Variants in KLF12 observed in about 807,000 individuals in gnomAD.
KLF12 encodes KLF transcription factor 12, also known as Krueppel-like factor 12.
Under a neutral mutation model 37.8 loss-of-function variants are expected in KLF12, and 9 were observed. The observed-to-expected ratio is 0.24, with a 90% confidence interval of 0.14 to 0.42. The LOEUF is 0.42. Among genes scored for constraint, KLF12 ranks in the 10% least tolerant of loss-of-function variants. KLF12 has a pLI of 1.00. For missense variants in KLF12, 411 were observed against 516.0 expected, an observed-to-expected ratio of 0.80 and a Z score of 1.97; for synonymous variants, 208 against 202.1, an observed-to-expected ratio of 1.03 and a Z score of -0.25.
chr13:74,104,243 T>C (rs942352418), intron 1 of KLF12, among the ~76,000 whole-genome samples: 5 of 152,230 alleles, frequency 3.3e-5, no homozygotes, highest in African/African-American at 1.2e-4. Flanking sequence ...TGCACCGTTA[T>C]TCCTCTGTGG....
the KLF12 span, among the ~76,000 whole-genome samples, chr13:74,268,298 C>G: frequency 6.6e-6 from 1 of 152,120 alleles, no homozygotes; most frequent in African/African-American, 2.4e-5. Context: ...TTTAGTGGGA[C>G]ATCAAGTATT....
At chr13:73,761,831 G>C (rs904960572) in intron 6 of KLF12, among the ~76,000 whole-genome samples, 1 of 152,160 alleles carries the variant, frequency 6.6e-6, no homozygotes, top group Non-Finnish European at 1.5e-5. Context: ...AGAAAGGAAG[G>C]CATGCTCACT....
chr13:74,296,728 T>C, the KLF12 span, among the ~76,000 whole-genome samples: 17 of 152,322 alleles, frequency 1.1e-4, no homozygotes, highest in Admixed American at 9.1e-4. Flanking sequence ...CACAGATAAT[T>C]TTCTTGACCA....
chr13:73,985,024 T>C (rs1891787705), intron 2 of KLF12, among the ~76,000 whole-genome samples: 1 of 15,518 alleles, frequency 6.4e-5, no homozygotes, highest in South Asian at 0.045. Context: ...TTCTGCCTGG[T>C]GTTATCCCCC....
At chr13:74,280,772 G>A in the KLF12 span, among the ~76,000 whole-genome samples, 1 of 151,498 alleles carries the variant, frequency 6.6e-6, no homozygotes, top group Middle Eastern at 3.4e-3. Flanking sequence ...TTCCCTAACA[G>A]ATGACGAACT....
intron 5 of KLF12, among the ~76,000 whole-genome samples, chr13:73,792,633 C>A (rs1316233074): frequency 6.6e-6 from 1 of 152,088 alleles, no homozygotes; most frequent in African/African-American, 2.4e-5. Flanking sequence ...CAGTCTATAT[C>A]ATGATCTGTA....
chr13:73,905,720 A>C (rs1888249780), intron 3 of KLF12, among the ~76,000 whole-genome samples: 1 of 143,674 alleles, frequency 7.0e-6, no homozygotes, highest in South Asian at 2.2e-4. Context: ...ATATATAATA[A>C]AATTTTGTTA....
intron 1 of KLF12, among the ~76,000 whole-genome samples, chr13:74,013,730 AGG>A (rs1892610419): frequency 6.6e-6 from 1 of 152,158 alleles, no homozygotes; most frequent in African/African-American, 2.4e-5. Context: ...TTTTACTTGT[AGG>A]GTTTTTTGAT....
intron 6 of KLF12, among the ~76,000 whole-genome samples, chr13:73,719,272 A>T (rs1297980639): frequency 1.3e-5 from 2 of 152,168 alleles, no homozygotes; most frequent in East Asian, 3.9e-4. Flanking sequence ...TGGGATCCCC[A>T]GCATATATCC....
intron 2 of KLF12, among the ~76,000 whole-genome samples, chr13:73,955,755 A>G (rs1890811649): frequency 1.3e-5 from 2 of 152,234 alleles, no homozygotes; most frequent in Admixed American, 1.3e-4. Flanking sequence ...AGTGGCCTGT[A>G]ATTTGAGCCC....
At chr13:74,058,826 T>G (rs1157120833) in intron 1 of KLF12, among the ~76,000 whole-genome samples, 1 of 152,166 alleles carries the variant, frequency 6.6e-6, no homozygotes, top group African/African-American at 2.4e-5. Flanking sequence ...AGATTCAGGG[T>G]ACACATGTGC....
chr13:74,123,764 A>G (rs555611982), intron 1 of KLF12, among the ~76,000 whole-genome samples: 1 of 152,370 alleles, frequency 6.6e-6, no homozygotes. Flanking sequence ...GTGGACTTGC[A>G]AAGTTTTTAC....
At chr13:74,014,648 T>C (rs1892642917) in intron 1 of KLF12, among the ~76,000 whole-genome samples, 1 of 152,236 alleles carries the variant, frequency 6.6e-6, no homozygotes, top group African/African-American at 2.4e-5. Context: ...CCGCAATTGT[T>C]AAAGTTATAT....
the KLF12 span, among the ~76,000 whole-genome samples, chr13:74,250,342 G>T: frequency 2.0e-5 from 3 of 152,212 alleles, no homozygotes; most frequent in African/African-American, 7.2e-5. Context: ...TTATTCCACA[G>T]ATATCTTGAA....
At chr13:73,759,509 C>T (rs1879409302) in intron 6 of KLF12, among the ~76,000 whole-genome samples, 1 of 152,186 alleles carries the variant, frequency 6.6e-6, no homozygotes, top group Non-Finnish European at 1.5e-5. Flanking sequence ...TTTCTCCTTG[C>T]TCTCCCATCC....
chr13:73,876,818 C>G (rs990424192), intron 3 of KLF12, among the ~76,000 whole-genome samples: 1 of 151,962 alleles, frequency 6.6e-6, no homozygotes, highest in African/African-American at 2.4e-5. Flanking sequence ...AGTTTGAGAC[C>G]AGCCTGGCCA....
At chr13:73,865,486 C>A (rs931619877) in intron 3 of KLF12, among the ~76,000 whole-genome samples, 1 of 152,060 alleles carries the variant, frequency 6.6e-6, no homozygotes, top group African/African-American at 2.4e-5. Context: ...ACTTTAAGGT[C>A]CAAGATCCAA....
the KLF12 span, among the ~76,000 whole-genome samples, chr13:74,245,407 G>T: frequency 2.0e-5 from 3 of 152,090 alleles, no homozygotes; most frequent in Admixed American, 2.0e-4. Flanking sequence ...AGATGAAATT[G>T]CTAGGAAAGT....
intron 6 of KLF12, among the ~76,000 whole-genome samples, chr13:73,730,167 C>T (rs1240028993): frequency 6.6e-6 from 1 of 152,110 alleles, no homozygotes; most frequent in Non-Finnish European, 1.5e-5. Context: ...GCCCGGTGCT[C>T]CTTCTGTCTG....
Sources: allele counts gnomAD v4.1 joint callset (sites outside exome capture counted in the v4.1 genomes callset), GRCh38; gene constraint gnomAD v4.1.1; transcripts MANE v1.5; gene names NCBI Gene and HGNC (gene_info 2026-07-23, HGNC 2026-07-21).